SPATC1: variants seen among roughly 807,000 people sequenced by gnomAD.
The protein encoded by SPATC1 is spermatogenesis and centriole associated 1.
SPATC1 carries 35 observed loss-of-function variants against 36.5 expected under a neutral mutation model. The ratio of observed to expected loss-of-function variants is 0.96; its 90% CI spans 0.73 to 1.27. The LOEUF (loss-of-function observed/expected upper bound fraction) is 1.27, where lower values mean the gene tolerates loss of function less well. Ranked by LOEUF, SPATC1 falls within the 50% of genes most tolerant of loss-of-function variation. The pLI is 0.00. For missense variants in SPATC1, 779 were observed against 796.0 expected (o/e 0.98, Z 0.26); for synonymous variants, 361 against 353.6 (o/e 1.02, Z -0.24).
In SPATC1 at chr8:144,017,851, G is replaced by A. The variant is rs1290993923; in HGVS notation, c.211+5125G>A. Among the ~76,000 whole-genome samples, 6 of 152,158 alleles carry A rather than the reference G, an allele frequency of 3.9e-5. No individual in the cohort carries two copies. In the South Asian group the frequency reaches 1.2e-3, roughly 31 times the overall value. On this transcript the variant is annotated intron_variant, in intron 1 of 4. Coordinates refer to ENST00000377470, the MANE Select transcript of SPATC1 (RefSeq NM_198572.3). Reference sequence around the variant, plus strand: ...CCTGGGAGAAGGAAAGGCAGTTTTGGAGCAAGAAAATGAGTTGTATTTTGG... The same window carrying A: ...CCTGGGAGAAGGAAAGGCAGTTTTGAAGCAAGAAAATGAGTTGTATTTTGG...
At chr8:144,042,076 GA>G in intron 4 of SPATC1, 1 of 902,944 alleles carries the variant, frequency 1.1e-6, no homozygotes. Flanking sequence ...ACCTGAAAAA[GA>G]AAAAGAGTAC....
intron 1 of SPATC1, among the ~76,000 whole-genome samples, chr8:144,039,597 C>T (rs1835005535): frequency 6.6e-6 from 1 of 152,204 alleles, no homozygotes; most frequent in African/African-American, 2.4e-5. Flanking sequence ...GTCCCCATGG[C>T]TGGGGGCAGT....
intron 1 of SPATC1, among the ~76,000 whole-genome samples, chr8:144,030,223 G>A (rs1834767056): frequency 6.6e-6 from 1 of 152,136 alleles, no homozygotes; most frequent in African/African-American, 2.4e-5. Context: ...CATATAATAG[G>A]AACATGGGAG....
At chr8:144,037,146 G>T (rs1488767395) in intron 1 of SPATC1, among the ~76,000 whole-genome samples, 1 of 123,136 alleles carries the variant, frequency 8.1e-6, no homozygotes, top group Non-Finnish European at 1.7e-5. Context: ...GAGGGAGGTG[G>T]GGGGGTCAGC....
intron 4 of SPATC1, chr8:144,042,092 C>G (rs1472152020): frequency 1.3e-6 from 1 of 791,678 alleles, no homozygotes; most frequent in African/African-American, 1.9e-5. Flanking sequence ...GAGTACACAA[C>G]AGTGTATGTA....
At chr8:144,018,192 G>T (rs964670625) in intron 1 of SPATC1, among the ~76,000 whole-genome samples, 1 of 152,206 alleles carries the variant, frequency 6.6e-6, no homozygotes, top group Non-Finnish European at 1.5e-5. Flanking sequence ...GGTAAAGGCT[G>T]CCAAGAGGTC....
chr8:144,038,045 T>G (rs1283782482), intron 1 of SPATC1, among the ~76,000 whole-genome samples: 1 of 150,152 alleles, frequency 6.7e-6, no homozygotes, highest in African/African-American at 2.5e-5. Context: ...GAGAATGGCG[T>G]GAACCCCGGG....
intron 1 of SPATC1, among the ~76,000 whole-genome samples, chr8:144,034,990 T>G (rs1208628797): frequency 6.6e-6 from 1 of 152,260 alleles, no homozygotes; most frequent in Admixed American, 6.5e-5. Context: ...AGCATTTCAT[T>G]GTGTTCTCAT....
Position 144,040,597 on chromosome 8 carries a change from A to G in SPATC1, c.796A>G (p.Thr266Ala), listed in dbSNP as rs782249613. ...VPLSTEPPQS[T>A]QDPEPLSMAF... The stretch of plus-strand genomic sequence containing the variant: ...ACTCTCCACTGAGCCCCCCCAGTCG[A>G]CCCAGGACCCAGAGCCTCTCAGCAT... The change falls in exon 3 of 5, where the codon ACC (threonine) becomes GCC (alanine). Residue 266 changes from threonine to alanine, a missense_variant. Thr to Ala is a moderately conservative substitution (Grantham distance 58). Coordinates refer to ENST00000377470, the MANE Select transcript of SPATC1 (RefSeq NM_198572.3). The G allele has an allele frequency of 6.2e-6, 10 of 1,602,972 alleles. No individual in the cohort carries two copies. Among genetic ancestry groups the G allele is most frequent in the Middle Eastern group, 1.7e-4 (1 of 6,034 alleles).
intron 4 of SPATC1, chr8:144,041,853 G>A: frequency 1.5e-6 from 1 of 652,062 alleles, no homozygotes; most frequent in Non-Finnish European, 1.9e-6. Context: ...TTTATCTGTG[G>A]ATTGCAGGCC....
chr8:144,025,410 T>G (rs1332242722), intron 1 of SPATC1, among the ~76,000 whole-genome samples: 1 of 152,316 alleles, frequency 6.6e-6, no homozygotes, highest in East Asian at 1.9e-4. Flanking sequence ...CCTAAATAAT[T>G]AAATAATCAT....
intron 1 of SPATC1, among the ~76,000 whole-genome samples, chr8:144,028,027 C>A (rs1834720567): frequency 6.6e-6 from 1 of 151,782 alleles, no homozygotes; most frequent in Non-Finnish European, 1.5e-5. Flanking sequence ...TGAAACTCGA[C>A]CCCTTAAACC....
Position 144,039,962 on chromosome 8 carries a change from G to A in SPATC1, c.265G>A (p.Val89Met), listed in dbSNP as rs1051578195. 4 of 1,614,006 alleles carry A rather than the reference G, an allele frequency of 2.5e-6. No individual in the cohort carries two copies. The highest frequency in any genetic ancestry group is 3.4e-6 in the Non-Finnish European group (4 of 1,180,002). Residue 89 changes from valine (V) to methionine (M), a missense_variant, in exon 2 of 5, where the codon GTG (valine) becomes ATG (methionine). Physicochemically the swap from Val to Met is conservative, Grantham distance 21. Transcript: ENST00000377470. ...GGCAAACGAACGAGTCCTCGAAGAA[G>A]TGGGGATCATGGCCTTGGCACCCCT... ...AVANERVLEE[V>M]GIMALAPLAE...
chr8:144,015,038 T>TA (rs143267307), intron 1 of SPATC1, among the ~76,000 whole-genome samples: 4 of 148,804 alleles, frequency 2.7e-5, no homozygotes, highest in African/African-American at 5.2e-5. Context: ...TTTAAATATT[T>TA]AAAATTTTTT....
At chr8:144,023,132 C>G (rs1384651028) in intron 1 of SPATC1, among the ~76,000 whole-genome samples, 3 of 107,254 alleles carry the variant, frequency 2.8e-5, no homozygotes, top group African/African-American at 4.1e-5. Flanking sequence ...AGGACCCTCT[C>G]CCCCCAGGAC....
intron 1 of SPATC1, among the ~76,000 whole-genome samples, chr8:144,021,203 A>G (rs1834520972): frequency 8.3e-6 from 1 of 119,766 alleles, no homozygotes; most frequent in Admixed American, 8.8e-5. Flanking sequence ...TCCCCTTAGA[A>G]CCCCCTCCCC....
At chr8:144,030,109 A>G (rs1834764386) in intron 1 of SPATC1, among the ~76,000 whole-genome samples, 2 of 152,284 alleles carry the variant, frequency 1.3e-5, no homozygotes, top group African/African-American at 2.4e-5. Flanking sequence ...CAGTATAGCC[A>G]CCCAGCTCTC....
rs527841849 is a variant in SPATC1 at position 144,016,307 on chromosome 8, G to A, written c.211+3581G>A. On this transcript the variant is annotated intron_variant, in intron 1 of 4. Coordinates refer to ENST00000377470, the MANE Select transcript of SPATC1 (RefSeq NM_198572.3). The surrounding 1 kb of genome is among the most constrained non-coding windows in gnomAD (Gnocchi z 4.5). ...GAGGATATGGTGTATCTGCTTTGAC[G>A]GTGTGTGATTTGTGAGTGAATGTGT... Among the ~76,000 whole-genome samples, 5 of 152,140 alleles carry A rather than the reference G, an allele frequency of 3.3e-5. No homozygotes were observed. The highest frequency in any genetic ancestry group is 5.9e-5 in the Non-Finnish European group (4 of 67,978).
At chr8:144,015,965 G>A (rs1306843782) in intron 1 of SPATC1, among the ~76,000 whole-genome samples, 2 of 151,406 alleles carry the variant, frequency 1.3e-5, no homozygotes, top group African/African-American at 4.9e-5. Context: ...GGGAGGCTGA[G>A]GCGGGAGAAT....
Sources: gnomAD v4.1 joint callset for allele counts (sites outside exome capture counted in the v4.1 genomes callset) on GRCh38, gnomAD v4.1.1 for gene constraint, Gnocchi (gnomAD v3.1) non-coding constraint, MANE v1.5 for transcripts, NCBI Gene and HGNC (gene_info 2026-07-23, HGNC 2026-07-21) for gene names.